PCDHGB2: variants seen among roughly 807,000 people sequenced by gnomAD.
PCDHGB2 encodes the protein protocadherin gamma subfamily B, 2.
In PCDHGB2, 55 loss-of-function variants were observed where a neutral mutation model predicts 59.3. That is an observed-to-expected ratio of 0.93 (90% CI 0.75 to 1.16). PCDHGB2 has a LOEUF of 1.16. Among genes scored for constraint, PCDHGB2 ranks in the 50% most tolerant of loss-of-function variants. PCDHGB2 has a pLI of 0.00. For missense variants in PCDHGB2, 1,228 were observed against 1,198.5 expected (o/e 1.02, Z -0.36); for synonymous variants, 516 against 512.0 (o/e 1.01, Z -0.11).
intron 1 of PCDHGB2, among the ~76,000 whole-genome samples, chr5:141,472,192 C>A (rs2099274015): frequency 1.3e-5 from 2 of 152,134 alleles, no homozygotes; most frequent in South Asian, 2.1e-4. Context: ...GAATTTGAAT[C>A]TTTTTGACAC....
At chr5:141,383,961 C>T (rs768963435) in intron 1 of PCDHGB2, 31 of 1,613,238 alleles carry the variant, frequency 1.9e-5, no homozygotes, top group Non-Finnish European at 2.6e-5. Context: ...CTTTAAGTAG[C>T]TCAATCCCTG....
At chr5:141,378,339 A>G (rs62378424) in intron 1 of PCDHGB2, 5,525 of 152,288 alleles carry the variant, frequency 0.036, 122 homozygotes, top group Middle Eastern at 0.092. Flanking sequence ...CCTGACCAAC[A>G]TGGTGAAACC....
chr5:141,467,572 G>A (rs1351985954), intron 1 of PCDHGB2, among the ~76,000 whole-genome samples: 1 of 152,184 alleles, frequency 6.6e-6, no homozygotes, highest in African/African-American at 2.4e-5. Flanking sequence ...TGGCTATCCA[G>A]TTGTCCCAAT....
chr5:141,423,758 G>GGT (rs138224377), intron 1 of PCDHGB2: 10 of 366,772 alleles, frequency 2.7e-5, no homozygotes, highest in Non-Finnish European at 1.5e-5. Flanking sequence ...TTTGGGGGGG[G>GGT]GGTGGGGCGG....
At position 141,362,375 on chromosome 5, in the gene PCDHGB2, C is replaced by CTGTA; in HGVS notation, c.2240_2241insTGTA (p.Leu748ValfsTer37). The CTGTA allele has an allele frequency of 6.2e-7, 1 of 1,614,040 alleles. No individual in the cohort carries two copies. The highest frequency in any genetic ancestry group is 8.5e-7 in the Non-Finnish European group (1 of 1,179,900). On this transcript the variant is annotated frameshift_variant, in exon 1 of 4. Coordinates refer to ENST00000522605, the MANE Select transcript of PCDHGB2 (RefSeq NM_018923.3). LOFTEE classifies it high-confidence loss of function. ...GTTCTCCCCAATTACAGTGAGGGTA[C>CTGTA]ATTGCCCTATTCCTACAACCTGTGT...
intron 1 of PCDHGB2, chr5:141,409,583 G>A (rs1221824873): frequency 1.2e-6 from 2 of 1,613,920 alleles, no homozygotes; most frequent in African/African-American, 1.3e-5. Flanking sequence ...CGTGGTCCAC[G>A]TGGCCGAGAA....
chr5:141,426,733 G>A (rs62378459), intron 1 of PCDHGB2: 13,670 of 449,336 alleles, frequency 0.03, 288 homozygotes, highest in Middle Eastern at 0.11. Context: ...CCAGGCATTC[G>A]GTTTGGCCTG....
chr5:141,364,767 C>T (rs868142397), intron 1 of PCDHGB2: 1 of 1,613,876 alleles, frequency 6.2e-7, no homozygotes, highest in Non-Finnish European at 8.5e-7. Flanking sequence ...AATGAAAATG[C>T]GGCTGCAGGG....
chr5:141,381,965 G>A (rs571350764), intron 1 of PCDHGB2, among the ~76,000 whole-genome samples: 2 of 151,078 alleles, frequency 1.3e-5, no homozygotes, highest in Admixed American at 1.3e-4. Context: ...GAGTAGCTGG[G>A]ATTACAGGCG....
chr5:141,366,698 C>G, intron 1 of PCDHGB2: 1 of 1,614,234 alleles, frequency 6.2e-7, no homozygotes, highest in Non-Finnish European at 8.5e-7. Flanking sequence ...GAAAAGCGAG[C>G]CTCTTCTGAT....
intron 1 of PCDHGB2, chr5:141,396,086 G>T (rs2093341467): frequency 6.6e-6 from 1 of 152,152 alleles, no homozygotes; most frequent in Non-Finnish European, 1.5e-5. Flanking sequence ...GATGTGAAGT[G>T]GTGAGAATGT....
At chr5:141,494,890 C>A (rs1483157263) in intron 2 of PCDHGB2, 25 bp downstream of exon 2, 1 of 1,614,120 alleles carries the variant, frequency 6.2e-7, no homozygotes. Context: ...CTCCAGCCCA[C>A]CCTCTTCTCT....
chr5:141,447,919 C>G (rs940570932), intron 1 of PCDHGB2, among the ~76,000 whole-genome samples: 2 of 152,012 alleles, frequency 1.3e-5, no homozygotes, highest in East Asian at 1.9e-4. Context: ...AACTCTGTCT[C>G]CACTAAAAAT....
At chr5:141,448,216 G>A (rs766377717) in intron 1 of PCDHGB2, among the ~76,000 whole-genome samples, 41 of 152,046 alleles carry the variant, frequency 2.7e-4, no homozygotes, top group African/African-American at 1.7e-4. Context: ...GTGTGTATGC[G>A]AATGTATGTG....
chr5:141,402,901 T>TG, intron 1 of PCDHGB2: 1 of 1,520,230 alleles, frequency 6.6e-7, no homozygotes, highest in Non-Finnish European at 8.8e-7. Context: ...AAGAACCTGA[T>TG]GAAGCAGCGC....
At chr5:141,452,281 T>C (rs948141174) in intron 1 of PCDHGB2, among the ~76,000 whole-genome samples, 1 of 152,232 alleles carries the variant, frequency 6.6e-6, no homozygotes, top group African/African-American at 2.4e-5. Flanking sequence ...CCTTTCTTAC[T>C]TTCTGATATA....
In PCDHGB2 at chr5:141,512,022, C is replaced by T. The variant is rs2154594692; in HGVS notation, c.*849C>T. The T allele has an allele frequency of 6.5e-6, 1 of 152,990 alleles. No individual in the cohort carries two copies. The highest frequency in any genetic ancestry group is 1.9e-4 in the East Asian group (1 of 5,186). The allele number at this position is 152,990 out of a possible 1,614,324, so 9.5% of individuals were successfully genotyped here. A position where few individuals can be genotyped will look rare whatever the true frequency, so the allele number is the denominator to read the frequency against. The stretch of plus-strand genomic sequence containing the variant: ...AGCTTGACACATCAAGTTATCAAGG[C>T]CTTGGAGGAGGCTCTGTATGTCCTC... On this transcript the variant is annotated 3_prime_UTR_variant, in exon 4 of 4. Transcript: ENST00000522605.
intron 1 of PCDHGB2, among the ~76,000 whole-genome samples, chr5:141,396,897 T>C (rs1337739986): frequency 1.3e-5 from 2 of 152,220 alleles, no homozygotes; most frequent in African/African-American, 4.8e-5. Flanking sequence ...CAACATATTA[T>C]TGGCACTTTG....
At position 141,360,715 on chromosome 5, in the gene PCDHGB2, T is replaced by A. The variant is rs774393413; in HGVS notation, c.580T>A (p.Leu194Met). The part of the protein sequence containing the change: ...QTPDGRKYPE[L>M]ILKHSLDREE... ...TCCAGATGGTCGTAAATATCCTGAG[T>A]TGATTCTAAAACACTCTCTGGACAG... The change falls in exon 1 of 4, where the codon TTG becomes ATG. Residue 194 changes from leucine to methionine, a missense_variant. Leu to Met is a conservative substitution (Grantham distance 15). Around this residue, in one of 3 missense-constraint regions of PCDHGB2, gnomAD observed 781 missense variants for 721.6 expected, o/e 1.08. Coordinates refer to ENST00000522605, the MANE Select transcript of PCDHGB2 (RefSeq NM_018923.3). 2.5e-6 allele frequency: 4 copies of A among 1,613,776 alleles called. No homozygotes were observed. Among genetic ancestry groups the A allele is most frequent in the Non-Finnish European group, 3.4e-6 (4 of 1,179,858 alleles).
Sources: allele counts gnomAD v4.1 joint callset (sites outside exome capture counted in the v4.1 genomes callset), GRCh38; gene constraint gnomAD v4.1.1; regional missense constraint gnomAD v4.1.1; transcripts MANE v1.5; gene names NCBI Gene and HGNC (gene_info 2026-07-23, HGNC 2026-07-21).